Variants in ATP2C1 observed in about 807,000 individuals in gnomAD.
The protein encoded by ATP2C1 is calcium-transporting ATPase type 2C member 1.
In ATP2C1, 31 loss-of-function variants were observed where a neutral mutation model predicts 120.5. The ratio of observed to expected loss-of-function variants is 0.26; its 90% CI spans 0.19 to 0.35. The LOEUF (loss-of-function observed/expected upper bound fraction) is 0.35. Among genes scored for constraint, ATP2C1 ranks in the 10% least tolerant of loss-of-function variants. The pLI, the probability that ATP2C1 is intolerant of heterozygous loss-of-function variation, is 1.00. For synonymous variants in ATP2C1, 351 were observed against 358.7 expected, an observed-to-expected ratio of 0.98 and a Z score of 0.24; for missense variants, 731 against 1,107.5, an observed-to-expected ratio of 0.66 and a Z score of 4.83.
chr3:130,894,575 T>C lies in ATP2C1; in HGVS notation c.-180-15T>C. ...AGCCTCTCGTCAGCGCCGCTTCTCC[T>C]GGTTTCTCTTGCAGATGCTGCTGCT... is the stretch of plus-strand genomic sequence containing the variant. On this transcript the variant is annotated splice_polypyrimidine_tract_variant and intron_variant, in intron 1 of 27. Transcript: ENST00000510168. This position sits in a 1 kb window ranked among gnomAD's most constrained non-coding sequence, Gnocchi z 4.5. 6.9e-7 allele frequency: 1 copy of C among 1,450,254 alleles called. No homozygotes were observed. Among genetic ancestry groups the C allele is most frequent in the Admixed American group, 2.7e-5 (1 of 37,372 alleles). 89.8% of individuals were successfully genotyped at this position (1,450,254 alleles called of 1,614,324 possible).
Position 130,894,101 on chromosome 3 carries a change from C to T in ATP2C1, c.-417C>T, listed in dbSNP as rs1001755712. 2 of 974,714 alleles carry T rather than the reference C, an allele frequency of 2.1e-6. No individual in the cohort carries two copies. The highest frequency in any genetic ancestry group is 2.4e-6 in the Non-Finnish European group (2 of 820,226). 60.4% of individuals were successfully genotyped at this position (974,714 alleles called of 1,614,324 possible). ...GCGGGAGCAGACCAGCACGGCCTCG[C>T]GGAGCCGGCCCGGCGGACCGTGACG... On this transcript the variant is annotated 5_prime_UTR_variant, in exon 1 of 28. Coordinates refer to ENST00000510168, the MANE Select transcript of ATP2C1 (RefSeq NM_001378687.1). This position sits in a 1 kb window ranked among gnomAD's most constrained non-coding sequence, Gnocchi z 4.5.
chr3:130,919,340 T>C (rs1264697967), intron 2 of ATP2C1, among the ~76,000 whole-genome samples: 1 of 151,810 alleles, frequency 6.6e-6, no homozygotes, highest in African/African-American at 2.4e-5. Context: ...TTCTCCTGCC[T>C]CAGCCTCCCG....
intron 10 of ATP2C1, 161 bp from the exon 11 acceptor site, chr3:130,955,943 C>G: frequency 3.3e-6 from 2 of 603,428 alleles, no homozygotes; most frequent in South Asian, 3.5e-5. Flanking sequence ...TGTGTAAAAT[C>G]TAAGTCTCAG....
intron 2 of ATP2C1, among the ~76,000 whole-genome samples, chr3:130,920,771 T>C (rs190769016): frequency 1.2e-4 from 18 of 152,322 alleles, no homozygotes; most frequent in African/African-American, 4.3e-4. Context: ...TTGAGTAATA[T>C]TGGCATTTAA....
intron 1 of ATP2C1, among the ~76,000 whole-genome samples, chr3:130,859,613 C>T (rs923497688): frequency 2.0e-5 from 3 of 152,132 alleles, no homozygotes; most frequent in Admixed American, 1.3e-4. Context: ...GGCAACTTGC[C>T]GTTTATTATG....
intron 2 of ATP2C1, among the ~76,000 whole-genome samples, chr3:130,895,767 T>C (rs1247959568): frequency 6.6e-6 from 1 of 152,240 alleles, no homozygotes; most frequent in African/African-American, 2.4e-5. Context: ...ACTAGTAATT[T>C]TGAAATGGGT....
chr3:130,946,964 A>T (rs2669857), intron 8 of ATP2C1, among the ~76,000 whole-genome samples: 30,929 of 152,212 alleles, frequency 0.2, 3,461 homozygotes, highest in African/African-American at 0.28. Context: ...AGACAGTTTG[A>T]GCCCTCTCCA....
chr3:130,933,244 C>T lies in ATP2C1; in HGVS notation c.234+1106C>T, dbSNP rs78556221. Among the ~76,000 whole-genome samples, 1,262 of 143,708 alleles carry T rather than the reference C, an allele frequency of 8.8e-3. 16 individuals are homozygous for T. Among genetic ancestry groups the T allele is most frequent in the African/African-American group, 0.03 (1,195 of 39,232 alleles). 94.3% of individuals were successfully genotyped at this position (143,708 alleles called of 152,430 possible). ...TAAACAAATAACAGTAAATAGTAATCGTAATCACAAAGCACTGGGTGATTC... is the reference window on the plus strand; with the variant it reads ...TAAACAAATAACAGTAAATAGTAATTGTAATCACAAAGCACTGGGTGATTC... On this transcript the variant is annotated intron_variant, in intron 4 of 27. Transcript: ENST00000510168.
chr3:130,867,464 T>C (rs1446837291), intron 1 of ATP2C1, among the ~76,000 whole-genome samples: 26 of 150,316 alleles, frequency 1.7e-4, no homozygotes, highest in Middle Eastern at 3.4e-3. Context: ...TGGTTTTCGT[T>C]TTTTTTTGGT....
At chr3:130,857,944 A>G (rs1207524509) in intron 1 of ATP2C1, among the ~76,000 whole-genome samples, 4 of 152,186 alleles carry the variant, frequency 2.6e-5, no homozygotes, top group African/African-American at 7.2e-5. Flanking sequence ...TGCAGCCTTC[A>G]GTCTGTAGCC....
intron 5 of ATP2C1, among the ~76,000 whole-genome samples, chr3:130,936,370 G>A (rs1250911749): frequency 6.6e-6 from 1 of 152,120 alleles, no homozygotes; most frequent in Non-Finnish European, 1.5e-5. Flanking sequence ...TGCAAGATAG[G>A]TCAATGGATT....
At chr3:130,982,072 AT>A (rs1305749372) in intron 20 of ATP2C1, among the ~76,000 whole-genome samples, 2 of 151,922 alleles carry the variant, frequency 1.3e-5, no homozygotes. Context: ...TATGCTTTTG[AT>A]ATCTCAGAAC....
At chr3:130,965,564 C>G (rs532626352) in intron 14 of ATP2C1, among the ~76,000 whole-genome samples, 1 of 152,066 alleles carries the variant, frequency 6.6e-6, no homozygotes, top group African/African-American at 2.4e-5. Context: ...TGTTCTGTCC[C>G]TTATTTTCTC....
At chr3:130,899,337 A>C (rs2069933774) in intron 2 of ATP2C1, 1 of 152,168 alleles carries the variant, frequency 6.6e-6, no homozygotes, top group South Asian at 2.1e-4. Context: ...GTCAATTAAC[A>C]CATACTTTGT....
At chr3:130,855,400 G>A (rs1050198330) in intron 1 of ATP2C1, among the ~76,000 whole-genome samples, 1 of 152,194 alleles carries the variant, frequency 6.6e-6, no homozygotes, top group Non-Finnish European at 1.5e-5. Context: ...GAAGCCGTGG[G>A]GTTGGAGGGT....
chr3:130,922,662 C>T (rs2059021944), intron 2 of ATP2C1, among the ~76,000 whole-genome samples: 1 of 152,062 alleles, frequency 6.6e-6, no homozygotes, highest in African/African-American at 2.4e-5. Flanking sequence ...GTCACTGTTA[C>T]CCCTCAGTTC....
upstream of ATP2C1, among the ~76,000 whole-genome samples, chr3:130,891,947 T>C (rs2069184640): frequency 6.6e-6 from 1 of 152,202 alleles, no homozygotes; most frequent in South Asian, 2.1e-4. Flanking sequence ...AAATGACTAA[T>C]TGGTCAATTC....
chr3:130,956,210 T>G (rs187612927), intron 11 of ATP2C1, 31 bp downstream of exon 11: 2 of 1,437,192 alleles, frequency 1.4e-6, no homozygotes, highest in Non-Finnish European at 2.0e-6. Context: ...TATATATTTT[T>G]ATTTGAGTTT....
chr3:130,923,240 T>G (rs1213347022), intron 2 of ATP2C1, among the ~76,000 whole-genome samples: 2 of 152,026 alleles, frequency 1.3e-5, no homozygotes, highest in Non-Finnish European at 2.9e-5. Flanking sequence ...TTTTTTTTTT[T>G]GTTGGAGACA....
Sources: allele counts gnomAD v4.1 joint callset (sites outside exome capture counted in the v4.1 genomes callset), GRCh38; gene constraint gnomAD v4.1.1; non-coding constraint Gnocchi (gnomAD v3.1); transcripts MANE v1.5; gene names NCBI Gene and HGNC (gene_info 2026-07-23, HGNC 2026-07-21).